CHST12: variants seen among roughly 807,000 people sequenced by gnomAD.
The protein encoded by CHST12 is carbohydrate (chondroitin 4) sulfotransferase 12.
CHST12 carries 23 observed loss-of-function variants against 27.9 expected under a neutral mutation model. That is an observed-to-expected ratio of 0.82 (90% CI 0.59 to 1.17). The LOEUF is 1.17. CHST12 is among the 50% of genes most tolerant of loss of function. The pLI is 0.00. For missense variants in CHST12, 682 were observed against 603.0 expected (o/e 1.13, Z -1.37); for synonymous variants, 322 against 273.0 (o/e 1.18, Z -1.77).
At chr7:2,430,461 G>A (rs533903444) in intron 1 of CHST12, among the ~76,000 whole-genome samples, 26 of 152,116 alleles carry the variant, frequency 1.7e-4, no homozygotes, top group South Asian at 4.2e-4. Context: ...GATTACAGGC[G>A]CCTGCCACCA....
intron 1 of CHST12, among the ~76,000 whole-genome samples, chr7:2,410,198 G>C (rs534939199): frequency 6.6e-6 from 1 of 152,328 alleles, no homozygotes; most frequent in South Asian, 2.1e-4. Flanking sequence ...GGCAATCAGA[G>C]TTTGTCTGGT....
chr7:2,409,217 C>T (rs573186782), intron 1 of CHST12, among the ~76,000 whole-genome samples: 4 of 152,126 alleles, frequency 2.6e-5, no homozygotes, highest in African/African-American at 4.8e-5. Context: ...GGGAGGAGAG[C>T]GCTGCATTTT....
At position 2,432,722 on chromosome 7, in the gene CHST12, G is replaced by A. The variant is rs781074899; in HGVS notation, c.83G>A (p.Ser28Asn). ...CTGCTGATCATCGTGTACTGGGACAGCGCAGGCGCCGCGCACTTCTACTTG... is the reference window on the plus strand; with the variant it reads ...CTGCTGATCATCGTGTACTGGGACAACGCAGGCGCCGCGCACTTCTACTTG... ...MILLIIVYWD[S>N]AGAAHFYLHT... is the part of the protein sequence containing the mutation. The change falls in exon 2 of 2, where the codon AGC becomes AAC. Residue 28 changes from serine to asparagine, a missense_variant. By Grantham distance (46) the Ser-to-Asn change is conservative (BLOSUM62 1). Coordinates refer to ENST00000618655, the MANE Select transcript of CHST12 (RefSeq NM_018641.5). 17 of 1,613,852 alleles carry A rather than the reference G, an allele frequency of 1.1e-5. No homozygotes were observed. The South Asian group carries it at 1.8e-4, about 17-fold the overall frequency.
At position 2,434,316 on chromosome 7, in the gene CHST12, G is replaced by T. The variant is rs1782412192; in HGVS notation, c.*432G>T. ...AATCCTTCCAGAGGGAAAGTTCTTTGTTTAAGTGTTGTACTTGAAAAGGTC... is the reference window on the plus strand; with the variant it reads ...AATCCTTCCAGAGGGAAAGTTCTTTTTTTAAGTGTTGTACTTGAAAAGGTC... On this transcript the variant is annotated 3_prime_UTR_variant, in exon 2 of 2. Coordinates refer to ENST00000618655, the MANE Select transcript of CHST12 (RefSeq NM_018641.5). 5.8e-6 allele frequency: 1 copy of T among 173,850 alleles called. No homozygotes were observed. Among genetic ancestry groups the T allele is most frequent in the African/African-American group, 2.4e-5 (1 of 41,528 alleles). The allele number at this position is 173,850 out of a possible 1,614,324, so 10.8% of individuals were successfully genotyped here. A position where few individuals can be genotyped will look rare whatever the true frequency, so the allele number is the denominator to read the frequency against.
In CHST12 at chr7:2,445,785, G is replaced by T. The variant is rs1782737733; in HGVS notation, c.*11901G>T. On this transcript the variant is annotated 3_prime_UTR_variant, in exon 2 of 2. Transcript: ENST00000618655. Reference sequence around the variant, plus strand: ...GCTCCCTGGGTGCCCGCCCACAGGTGTCACCCTTTAAGGAGAAAGTGGCCT... The same window carrying T: ...GCTCCCTGGGTGCCCGCCCACAGGTTTCACCCTTTAAGGAGAAAGTGGCCT... The T allele has an allele frequency of 6.6e-6, 1 of 152,294 alleles. No individual in the cohort carries two copies. The highest frequency in any genetic ancestry group is 1.5e-5 in the Non-Finnish European group (1 of 68,116). The allele number at this position is 152,294 out of a possible 1,614,324, so 9.4% of individuals were successfully genotyped here.
chr7:2,434,010 T>C lies in CHST12; in HGVS notation c.*126T>C, dbSNP rs1233648847. 8.0e-5 allele frequency: 55 copies of C among 684,216 alleles called. No individual in the cohort carries two copies. The highest frequency in any genetic ancestry group is 5.5e-5 in the Non-Finnish European group (22 of 402,462). 42.4% of individuals were successfully genotyped at this position (684,216 alleles called of 1,614,324 possible). On this transcript the variant is annotated 3_prime_UTR_variant, in exon 2 of 2. Transcript: ENST00000618655. ...TCCACTGCCTCTATCCATTGAGTAC[T>C]GTATCGATATTGTTTTTTAAGATTA... is the stretch of plus-strand genomic sequence containing the variant.
intron 1 of CHST12, among the ~76,000 whole-genome samples, chr7:2,425,856 T>C (rs977558907): frequency 3.3e-5 from 5 of 152,122 alleles, no homozygotes; most frequent in Non-Finnish European, 7.4e-5. Flanking sequence ...GCTTTACTTC[T>C]CGTCTTTCCA....
At chr7:2,421,833 T>C (rs1007115007) in intron 1 of CHST12, among the ~76,000 whole-genome samples, 2 of 152,182 alleles carry the variant, frequency 1.3e-5, no homozygotes, top group East Asian at 3.8e-4. Flanking sequence ...CCCAAAGTGC[T>C]GGGATTACAG....
rs887796933 is a variant in CHST12, at chr7:2,441,906, C to A, written c.*8022C>A. On this transcript the variant is annotated 3_prime_UTR_variant, in exon 2 of 2. Coordinates refer to ENST00000618655, the MANE Select transcript of CHST12 (RefSeq NM_018641.5). ...ATACATGCAACATAAAATGTGCCCT[C>A]TTCCCCATTTTTAAGTGAACAGTTC... is the stretch of plus-strand genomic sequence containing the variant. 4 of 152,110 alleles carry A rather than the reference C, an allele frequency of 2.6e-5. No homozygotes were observed. Among genetic ancestry groups the A allele is most frequent in the African/African-American group, 9.7e-5 (4 of 41,420 alleles). The allele number at this position is 152,110 out of a possible 1,614,324, so 9.4% of individuals were successfully genotyped here.
Position 2,432,727 on chromosome 7 carries a change from G to A in CHST12, c.88G>A (p.Gly30Ser), listed in dbSNP as rs1456314542. ...GATCATCGTGTACTGGGACAGCGCA[G>A]GCGCCGCGCACTTCTACTTGCACAC... ...LLIIVYWDSA[G>S]AAHFYLHTSF... The change falls in exon 2 of 2, where the codon GGC becomes AGC. Residue 30 changes from glycine to serine, a missense_variant. Transcript: ENST00000618655. 5.6e-6 allele frequency: 9 copies of A among 1,613,978 alleles called. No individual in the cohort carries two copies. The highest frequency in any genetic ancestry group is 7.6e-6 in the Non-Finnish European group (9 of 1,179,906).
At chr7:2,425,216 A>C (rs1262631843) in intron 1 of CHST12, among the ~76,000 whole-genome samples, 1 of 99,820 alleles carries the variant, frequency 1.0e-5, no homozygotes, top group African/African-American at 4.3e-5. Context: ...AAAAAAAAAA[A>C]AAACAACAAA....
In CHST12 at chr7:2,437,021, C is replaced by G. The variant is rs1348966346; in HGVS notation, c.*3137C>G. 1.3e-5 allele frequency: 2 copies of G among 152,278 alleles called. No individual in the cohort carries two copies. The highest frequency in any genetic ancestry group is 4.8e-5 in the African/African-American group (2 of 41,462). 9.4% of individuals were successfully genotyped at this position (152,278 alleles called of 1,614,324 possible). The stretch of plus-strand genomic sequence containing the variant: ...CCCACTTTGATTCTTCGCTGTTTGC[C>G]TGATGCGCAGCACCACACTGCGTAG... On this transcript the variant is annotated 3_prime_UTR_variant, in exon 2 of 2. Transcript: ENST00000618655.
intron 1 of CHST12, among the ~76,000 whole-genome samples, chr7:2,426,802 C>T (rs1056141152): frequency 3.3e-5 from 5 of 151,854 alleles, no homozygotes; most frequent in African/African-American, 1.2e-4. Flanking sequence ...ACCAGCCTGG[C>T]CAACATGGTG....
At chr7:2,427,575 AC>A (rs562556431) in intron 1 of CHST12, among the ~76,000 whole-genome samples, 6 of 149,998 alleles carry the variant, frequency 4.0e-5, no homozygotes, top group South Asian at 2.1e-4. Context: ...TCCATCTGCC[AC>A]CCCCCCCTAC....
At chr7:2,420,925 T>TA (rs1781956457) in intron 1 of CHST12, among the ~76,000 whole-genome samples, 1 of 152,090 alleles carries the variant, frequency 6.6e-6, no homozygotes, top group Non-Finnish European at 1.5e-5. Flanking sequence ...AATACAGTGG[T>TA]ACAATCTCAG....
rs576506596 is a variant in CHST12, at chr7:2,429,652, G to C, written c.-77-2911G>C. Among the ~76,000 whole-genome samples the C allele has an allele frequency of 5.9e-5, 9 of 152,278 alleles. No individual in the cohort carries two copies. In the South Asian group the frequency reaches 1.9e-3, roughly 32 times the overall value. On this transcript the variant is annotated intron_variant, in intron 1 of 1. Transcript: ENST00000618655. ...CTGTTTCATCTAGGTTGCTAAATTT[G>C]TGGGCGTAAAATTGTTTGTAATAGT...
Position 2,433,024 on chromosome 7 carries a change from C to T in CHST12, c.385C>T (p.Arg129Trp), listed in dbSNP as rs775707171. 5 of 1,611,100 alleles carry T rather than the reference C, an allele frequency of 3.1e-6. No homozygotes were observed. The highest frequency in any genetic ancestry group is 2.2e-5 in the South Asian group (2 of 91,054). Residue 129 changes from arginine (R) to tryptophan (W), a missense_variant, in exon 2 of 2, where the codon CGG becomes TGG. Physicochemically the swap from Arg to Trp is moderately radical, Grantham distance 101. Transcript: ENST00000618655. This position sits in a 1 kb window ranked among gnomAD's most constrained non-coding sequence, Gnocchi z 6.1. The part of the protein sequence containing the change: ...RQQAERRSVL[R>W]GFCANSSLAF... ...GCAGGCGGAGCGGAGGAGCGTGCTG[C>T]GGGGCTTCTGCGCCAACTCCAGCCT... is the stretch of plus-strand genomic sequence containing the variant.
intron 1 of CHST12, among the ~76,000 whole-genome samples, chr7:2,427,967 T>TGC: frequency 1.3e-5 from 2 of 151,208 alleles, no homozygotes; most frequent in South Asian, 4.3e-4. Flanking sequence ...CAGGCACCCG[T>TGC]CACCATGGCC....
intron 1 of CHST12, among the ~76,000 whole-genome samples, chr7:2,410,825 G>T (rs1365141667): frequency 6.6e-6 from 1 of 152,014 alleles, no homozygotes; most frequent in Non-Finnish European, 1.5e-5. Context: ...GTGGAGTCCT[G>T]GTCACGGGCC....
Sources: gnomAD v4.1 joint callset for allele counts (sites outside exome capture counted in the v4.1 genomes callset) on GRCh38, gnomAD v4.1.1 for gene constraint, Gnocchi (gnomAD v3.1) non-coding constraint, MANE v1.5 for transcripts, NCBI Gene and HGNC (gene_info 2026-07-23, HGNC 2026-07-21) for gene names.